GPHN: variants seen among roughly 807,000 people sequenced by gnomAD.
GPHN encodes gephyrin.
In GPHN, 17 loss-of-function variants were observed where a neutral mutation model predicts 95.5. The ratio of observed to expected loss-of-function variants is 0.18; its 90% CI spans 0.12 to 0.27. The LOEUF is 0.27. GPHN is among the 10% of genes least tolerant of loss of function. The pLI is 1.00. For missense variants in GPHN, 660 were observed against 978.1 expected (o/e 0.67, Z 4.34); for synonymous variants, 320 against 322.5 (o/e 0.99, Z 0.08).
intron 1 of GPHN, among the ~76,000 whole-genome samples, chr14:66,541,122 A>G (rs781020577): frequency 6.6e-6 from 1 of 152,024 alleles, no homozygotes; most frequent in African/African-American, 2.4e-5. Context: ...TAATTTTTGT[A>G]ATTTTAATAG....
chr14:67,564,310 G>T, the GPHN span, among the ~76,000 whole-genome samples: 1 of 152,130 alleles, frequency 6.6e-6, no homozygotes, highest in African/African-American at 2.4e-5. Context: ...TTCCTTACTT[G>T]TAACATTGGA....
chr14:67,164,498 C>T (rs1035038130), intron 19 of GPHN, among the ~76,000 whole-genome samples: 5 of 151,864 alleles, frequency 3.3e-5, no homozygotes, highest in African/African-American at 1.2e-4. Context: ...AGGTAATCTG[C>T]TTTCTTTTTT....
At chr14:66,528,954 T>C (rs1332168260) in intron 1 of GPHN, among the ~76,000 whole-genome samples, 1 of 152,206 alleles carries the variant, frequency 6.6e-6, no homozygotes, top group Non-Finnish European at 1.5e-5. Context: ...GGGTTGCTCT[T>C]CTCAAGTAGT....
chr14:67,411,729 T>G, the GPHN span, among the ~76,000 whole-genome samples: 1 of 152,264 alleles, frequency 6.6e-6, no homozygotes, highest in Non-Finnish European at 1.5e-5. Context: ...CATAATATTT[T>G]AACAAGTTTT....
chr14:67,298,725 T>C, the GPHN span, among the ~76,000 whole-genome samples: 2 of 152,312 alleles, frequency 1.3e-5, no homozygotes, highest in Admixed American at 6.5e-5. Context: ...TCAGTGTATT[T>C]TGACATATAT....
At chr14:67,081,144 T>C (rs1166374671) in intron 11 of GPHN, among the ~76,000 whole-genome samples, 2 of 152,216 alleles carry the variant, frequency 1.3e-5, no homozygotes, top group African/African-American at 4.8e-5. Flanking sequence ...GATTGCTGGA[T>C]CAAGTGGTAG....
the GPHN span, among the ~76,000 whole-genome samples, chr14:67,653,747 C>T: frequency 6.6e-6 from 1 of 152,202 alleles, no homozygotes; most frequent in East Asian, 1.9e-4. Flanking sequence ...TGAGACTGAG[C>T]TAATCTTCTA....
the GPHN span, among the ~76,000 whole-genome samples, chr14:67,672,547 G>T: frequency 3.1e-4 from 46 of 148,318 alleles, 1 homozygote; most frequent in African/African-American, 1.1e-3. Flanking sequence ...CTGGGTTCAA[G>T]CAATTCTGCC....
At chr14:67,517,928 G>A in the GPHN span, among the ~76,000 whole-genome samples, 1 of 152,166 alleles carries the variant, frequency 6.6e-6, no homozygotes, top group Non-Finnish European at 1.5e-5. Context: ...ATAAGATCAG[G>A]GGTGCACAGG....
chr14:67,387,221 A>C, the GPHN span: 1 of 1,035,860 alleles, frequency 9.7e-7, no homozygotes, highest in East Asian at 2.7e-5. Context: ...TCTCCAAAGC[A>C]GTACAAAACT....
the GPHN span, chr14:67,473,193 G>T: frequency 1.7e-6 from 1 of 592,430 alleles, no homozygotes; most frequent in Non-Finnish European, 2.9e-6. This position sits in a 1 kb window ranked among gnomAD's most constrained non-coding sequence, Gnocchi z 6.5. Flanking sequence ...CGCGATCCAT[G>T]GACCCTTCCC....
intron 3 of GPHN, among the ~76,000 whole-genome samples, chr14:66,797,728 G>A (rs1161816587): frequency 2.0e-5 from 3 of 151,840 alleles, no homozygotes; most frequent in African/African-American, 7.2e-5. Flanking sequence ...TTCTTGTGTA[G>A]TCTTTAGGTT....
At chr14:66,795,926 T>C (rs534077727) in intron 3 of GPHN, among the ~76,000 whole-genome samples, 48 of 152,242 alleles carry the variant, frequency 3.2e-4, no homozygotes, top group Middle Eastern at 6.8e-3. Flanking sequence ...CTAGGACTTA[T>C]TCATTCATTC....
chr14:66,828,246 A>G (rs1057429981), intron 4 of GPHN, among the ~76,000 whole-genome samples: 2 of 152,138 alleles, frequency 1.3e-5, no homozygotes, highest in African/African-American at 4.8e-5. Flanking sequence ...AAGCAAACAT[A>G]AAATCAATAT....
At chr14:67,044,799 GTCTC>G (rs1479043133) in intron 10 of GPHN, among the ~76,000 whole-genome samples, 2 of 149,230 alleles carry the variant, frequency 1.3e-5, no homozygotes, top group South Asian at 2.1e-4. Context: ...CTTTCTCTCT[GTCTC>G]TCTCTGTCTC....
intron 5 of GPHN, among the ~76,000 whole-genome samples, chr14:66,902,783 G>A (rs1415576465): frequency 6.6e-6 from 1 of 151,986 alleles, no homozygotes; most frequent in African/African-American, 2.4e-5. Flanking sequence ...GAGAATTTTT[G>A]CATTTGTATT....
At chr14:66,734,529 T>C (rs1184465327) in intron 2 of GPHN, among the ~76,000 whole-genome samples, 1 of 152,218 alleles carries the variant, frequency 6.6e-6, no homozygotes, top group Non-Finnish European at 1.5e-5. Context: ...CCTCAAGTTA[T>C]TGTATTAACT....
chr14:67,204,894 C>T, the GPHN span: 6 of 1,613,946 alleles, frequency 3.7e-6, no homozygotes, highest in Non-Finnish European at 5.1e-6. Context: ...AATTCACAGA[C>T]ATCACCGACA....
chr14:67,625,511 A>G, the GPHN span, among the ~76,000 whole-genome samples: 1 of 151,814 alleles, frequency 6.6e-6, no homozygotes, highest in African/African-American at 2.4e-5. Context: ...CCCCATCTCT[A>G]CTAAAAATAC....
Sources: gnomAD v4.1 joint callset for allele counts (sites outside exome capture counted in the v4.1 genomes callset) on GRCh38, gnomAD v4.1.1 for gene constraint, Gnocchi (gnomAD v3.1) non-coding constraint, MANE v1.5 for transcripts, NCBI Gene and HGNC (gene_info 2026-07-23, HGNC 2026-07-21) for gene names.